The following RBM24 variants were observed in gnomAD, a reference collection of about 807,000 sequenced individuals.
RBM24 encodes RNA-binding protein 24.
A neutral mutation model predicts 23.6 loss-of-function variants in RBM24; 5 were observed. That is an observed-to-expected ratio of 0.21 (90% CI 0.11 to 0.45). The LOEUF (loss-of-function observed/expected upper bound fraction) is 0.45, where lower values mean the gene tolerates loss of function less well. RBM24 is among the 20% of genes least tolerant of loss of function. The probability of loss-of-function intolerance (pLI) is 0.99; values close to 1 mark genes in which losing one functional copy is unlikely to be tolerated. For missense variants in RBM24, 252 were observed against 314.6 expected (o/e 0.80, Z 1.51); for synonymous variants, 151 against 129.5 (o/e 1.17, Z -1.13).
intron 3 of RBM24, chr6:17,290,838 G>C (rs928727322): frequency 7.8e-7 from 1 of 1,289,308 alleles, no homozygotes; most frequent in Non-Finnish European, 1.0e-6. Context: ...CCTTCTGTCT[G>C]TCTTGCATAG....
intron 3 of RBM24, chr6:17,288,820 G>A: frequency 1.0e-6 from 1 of 985,468 alleles, no homozygotes; most frequent in Non-Finnish European, 1.2e-6. Context: ...GCCAGGGGCA[G>A]TCTGGATGTT....
chr6:17,281,536 G>GAGCCGC lies in RBM24; in HGVS notation c.-34_-29dup, dbSNP rs991379437. The stretch of plus-strand genomic sequence containing the variant: ...GGAGGAGGAGGCGCAGCCGCTGCCC[G>GAGCCGC]AGCCGCAGCCGCAGCCGGAGCCCGA... On this transcript the variant is annotated 5_prime_UTR_variant, in exon 1 of 4. Transcript: ENST00000379052. The surrounding 1 kb of genome is among the most constrained non-coding windows in gnomAD (Gnocchi z 7.1). 1.9e-5 allele frequency: 28 copies of GAGCCGC among 1,456,428 alleles called. No homozygotes were observed. Among genetic ancestry groups the GAGCCGC allele is most frequent in the Middle Eastern group, 4.9e-4 (2 of 4,104 alleles). 90.2% of individuals were successfully genotyped at this position (1,456,428 alleles called of 1,614,324 possible).
chr6:17,291,675 T>C, intron 3 of RBM24, 81 bp from the exon 4 acceptor site: 1 of 1,450,236 alleles, frequency 6.9e-7, no homozygotes, highest in Non-Finnish European at 9.4e-7. Flanking sequence ...AACCACTAAA[T>C]TTGAGTTTGT....
chr6:17,290,543 T>C (rs1476834632), intron 3 of RBM24, among the ~76,000 whole-genome samples: 3 of 152,346 alleles, frequency 2.0e-5, no homozygotes, highest in Middle Eastern at 3.4e-3. Flanking sequence ...TGTGAATGTA[T>C]AATTTTAAAA....
At chr6:17,287,326 C>A (rs896560176) in intron 3 of RBM24, among the ~76,000 whole-genome samples, 3 of 152,140 alleles carry the variant, frequency 2.0e-5, no homozygotes, top group Admixed American at 2.0e-4. Context: ...TAAATGGCCC[C>A]CAGGTGACTT....
chr6:17,289,923 C>T, intron 3 of RBM24: 3 of 1,277,942 alleles, frequency 2.3e-6, no homozygotes, highest in Admixed American at 2.3e-5. Flanking sequence ...TGCGAGTGAG[C>T]CAGTCACCTG....
intron 1 of RBM24, 57 bp from the exon 2 acceptor site, chr6:17,282,748 C>G (rs1200876374): frequency 6.3e-7 from 1 of 1,596,966 alleles, no homozygotes; most frequent in Non-Finnish European, 8.6e-7. Flanking sequence ...TTCTTGATTT[C>G]CTTCATGGGT....
rs144190198 is a variant in RBM24, at chr6:17,284,156, A to C, written c.293-501A>C. 4.9e-3 allele frequency among the ~76,000 whole-genome samples: 752 copies of C among 152,338 alleles called. 25 individuals carry two copies. Among genetic ancestry groups the C allele is most frequent in the Admixed American group, 0.046 (705 of 15,302 alleles). On this transcript the variant is annotated intron_variant, in intron 2 of 3. Transcript: ENST00000379052. The stretch of plus-strand genomic sequence containing the variant: ...TTGTGCAAATATTCATGGGCGTTAA[A>C]AAAATTTGTCTAATACATTGTGGGT...
rs1433157288 is a variant in RBM24 at position 17,289,463 on chromosome 6, GTGAAA to G, written c.348-2291_348-2287del. The stretch of plus-strand genomic sequence containing the variant: ...CTTTATATTCTCATTGTTTGACATT[GTGAAA>G]TCAAAACTATTTCCTAATGCAAAGT... On this transcript the variant is annotated intron_variant, in intron 3 of 3. Transcript: ENST00000379052. The G allele has an allele frequency of 4.1e-6, 4 of 985,298 alleles. No homozygotes were observed. In the Admixed American group the frequency reaches 2.5e-4, roughly 61 times the overall value. 61.0% of individuals were successfully genotyped at this position (985,298 alleles called of 1,614,324 possible).
At chr6:17,282,761 A>C in intron 1 of RBM24, 44 bp from the exon 2 acceptor site, 1 of 1,609,356 alleles carries the variant, frequency 6.2e-7, no homozygotes, top group Non-Finnish European at 8.5e-7. Context: ...TCATGGGTTA[A>C]TTTAGAGGTT....
At position 17,290,091 on chromosome 6, in the gene RBM24, C is replaced by T. The variant is rs1357071289; in HGVS notation, c.348-1665C>T. Reference sequence around the variant, plus strand: ...CTGGTAAAATTGAGTGTATTTTTATCATTGGGGCCAAAGTCCACTACCCTC... The same window carrying T: ...CTGGTAAAATTGAGTGTATTTTTATTATTGGGGCCAAAGTCCACTACCCTC... On this transcript the variant is annotated intron_variant, in intron 3 of 3. Transcript: ENST00000379052. 3.9e-6 allele frequency: 5 copies of T among 1,289,104 alleles called. No individual in the cohort carries two copies. The East Asian group carries it at 2.8e-4, about 71-fold the overall frequency. The allele number at this position is 1,289,104 out of a possible 1,614,324, so 79.9% of individuals were successfully genotyped here.
chr6:17,284,527 A>G (rs924979480), intron 2 of RBM24, 130 bp from the exon 3 acceptor site: 3 of 637,528 alleles, frequency 4.7e-6, no homozygotes, highest in Non-Finnish European at 8.2e-6. Flanking sequence ...ATATACATAC[A>G]TATAGTTTCT....
chr6:17,282,458 G>A (rs1457403440), intron 1 of RBM24: 2 of 485,182 alleles, frequency 4.1e-6, no homozygotes, highest in African/African-American at 4.0e-5. Context: ...GGACCTGGGG[G>A]GCGGGGGATT....
chr6:17,281,913 G>T lies in RBM24; in HGVS notation c.168+164G>T, dbSNP rs1180283329. 6.6e-6 allele frequency among the ~76,000 whole-genome samples: 1 copy of T among 152,116 alleles called. No homozygotes were observed. Among genetic ancestry groups the T allele is most frequent in the Admixed American group, 6.5e-5 (1 of 15,278 alleles). ...TGAACTGAAACTTTGCTAGGGGAGA[G>T]GGTCGGCGCCAGCCTCGCGGGGTTC... On this transcript the variant is annotated intron_variant, in intron 1 of 3. Coordinates refer to ENST00000379052, the MANE Select transcript of RBM24 (RefSeq NM_001143942.2). The surrounding 1 kb of genome is among the most constrained non-coding windows in gnomAD (Gnocchi z 7.1).
At chr6:17,289,509 GCC>G (rs1315924655) in intron 3 of RBM24, 22 of 985,232 alleles carry the variant, frequency 2.2e-5, no homozygotes, top group Non-Finnish European at 2.4e-5. Flanking sequence ...CAGAGCTAAA[GCC>G]CCCTAAGCAA....
At chr6:17,283,045 AC>A (rs1760078068) in intron 2 of RBM24, 117 bp downstream of exon 2, 1 of 706,432 alleles carries the variant, frequency 1.4e-6, no homozygotes, top group South Asian at 1.9e-5. Flanking sequence ...GTAAACTTGA[AC>A]CATGGCTTGT....
chr6:17,282,965 G>C, intron 2 of RBM24, 37 bp downstream of exon 2: 1 of 1,473,684 alleles, frequency 6.8e-7, no homozygotes, highest in Non-Finnish European at 9.5e-7. Context: ...CCCTCTCCAA[G>C]AACCCCCCAT....
Position 17,282,882 on chromosome 6 carries a change from C to T in RBM24, c.246C>T (p.Asn82=), listed in dbSNP as rs866982616. 3 of 1,613,936 alleles carry T rather than the reference C, an allele frequency of 1.9e-6. No homozygotes were observed. The highest frequency in any genetic ancestry group is 2.5e-6 in the Non-Finnish European group (3 of 1,180,018). ...PNPIIDGRKA[N]VNLAYLGAKP... ...CCATCATTGATGGCAGAAAGGCCAACGTGAACCTGGCATACTTAGGAGCAA... is the reference window on the plus strand; with the variant it reads ...CCATCATTGATGGCAGAAAGGCCAATGTGAACCTGGCATACTTAGGAGCAA... The change falls in exon 2 of 4, where the codon AAC becomes AAT. Residue 82 remains asparagine (N), a synonymous_variant. Transcript: ENST00000379052.
chr6:17,289,513 C>G, intron 3 of RBM24: 1 of 985,420 alleles, frequency 1.0e-6, no homozygotes, highest in Non-Finnish European at 1.2e-6. Flanking sequence ...GCTAAAGCCC[C>G]CTAAGCAACC....
Sources: allele counts gnomAD v4.1 joint callset (sites outside exome capture counted in the v4.1 genomes callset), GRCh38; gene constraint gnomAD v4.1.1; non-coding constraint Gnocchi (gnomAD v3.1); transcripts MANE v1.5; gene names NCBI Gene and HGNC (gene_info 2026-07-23, HGNC 2026-07-21).